Variants in ZNF688 observed in about 807,000 individuals in gnomAD.
ZNF688 encodes zinc finger protein 688.
Under a neutral mutation model 13.2 loss-of-function variants are expected in ZNF688, and 10 were observed. The observed-to-expected ratio is 0.76, with a 90% confidence interval of 0.47 to 1.28. The LOEUF (loss-of-function observed/expected upper bound fraction) is 1.28. Ranked by LOEUF, ZNF688 falls within the 50% of genes most tolerant of loss-of-function variation. The probability of loss-of-function intolerance (pLI) is 0.00; values close to 1 mark genes in which losing one functional copy is unlikely to be tolerated. For synonymous variants in ZNF688, 160 were observed against 159.4 expected (o/e 1.00, Z -0.03); for missense variants, 381 against 391.4 (o/e 0.97, Z 0.22).
upstream of ZNF688, among the ~76,000 whole-genome samples, chr16:30,573,234 C>T (rs1024907220): frequency 6.6e-6 from 1 of 152,138 alleles, no homozygotes; most frequent in Non-Finnish European, 1.5e-5. Context: ...TTACGTTGTT[C>T]CAAATTATCA....
At chr16:30,572,955 G>A (rs2051709753), upstream of ZNF688, among the ~76,000 whole-genome samples, 4 of 152,036 alleles carry the variant, frequency 2.6e-5, no homozygotes. Context: ...TGCCCAGGCT[G>A]GAGTGCAATG....
Position 30,569,964 on chromosome 16 carries a change from C to T in ZNF688, c.783G>A (p.Pro261=). 1 of 1,591,826 alleles carries T rather than the reference C, an allele frequency of 6.3e-7. No individual in the cohort carries two copies. ...CTGGGTAGTGCCGGAAGAGCACAGGCGGGTCCCGGTCACCTCGGACGGGGG... is the reference window on the plus strand; with the variant it reads ...CTGGGTAGTGCCGGAAGAGCACAGGTGGGTCCCGGTCACCTCGGACGGGGG... ...PRAPVRGDRD[P]PVLFRHYPDI... is the part of the protein sequence containing the mutation. The change falls in exon 3 of 3, where the codon CCG becomes CCA. Residue 261 remains proline, a synonymous_variant. Transcript: ENST00000223459.
At position 30,571,702 on chromosome 16, in the gene ZNF688, T is replaced by C. The variant is rs2051689091; in HGVS notation, c.-73A>G. The C allele has an allele frequency of 7.4e-7, 1 of 1,355,372 alleles. No individual in the cohort carries two copies. The highest frequency in any genetic ancestry group is 1.5e-5 in the African/African-American group (1 of 64,842). The allele number at this position is 1,355,372 out of a possible 1,614,324, so 84.0% of individuals were successfully genotyped here. A position where few individuals can be genotyped will look rare whatever the true frequency, so the allele number is the denominator to read the frequency against. On this transcript the variant is annotated 5_prime_UTR_variant, in exon 1 of 3. Transcript: ENST00000223459. ...GCCTCCCCGCTCCCGGCCTCAGCTGTCGTTGTCCACAGGAAGGGCGGCCCC... is the reference window on the plus strand; with the variant it reads ...GCCTCCCCGCTCCCGGCCTCAGCTGCCGTTGTCCACAGGAAGGGCGGCCCC...
intron 2 of ZNF688, 157 bp downstream of exon 2, chr16:30,570,853 T>G: frequency 1.2e-6 from 1 of 836,894 alleles, no homozygotes; most frequent in Non-Finnish European, 2.0e-6. Context: ...CTGTCCCATG[T>G]TCTGAAAACT....
In ZNF688 at chr16:30,569,866, C is replaced by A. The variant is rs893379756; in HGVS notation, c.*50G>T. On this transcript the variant is annotated 3_prime_UTR_variant, in exon 3 of 3. Coordinates refer to ENST00000223459, the MANE Select transcript of ZNF688 (RefSeq NM_145271.4). Reference sequence around the variant, plus strand: ...GACTCAGTGGCCCACCTCAGGGATCCGTCAGTCCTTCGTGCCAAGGTCAGG... The same window carrying A: ...GACTCAGTGGCCCACCTCAGGGATCAGTCAGTCCTTCGTGCCAAGGTCAGG... The A allele has an allele frequency of 5.3e-6, 8 of 1,500,414 alleles. No individual in the cohort carries two copies. The highest frequency in any genetic ancestry group is 7.1e-6 in the Non-Finnish European group (8 of 1,126,216). 92.9% of individuals were successfully genotyped at this position (1,500,414 alleles called of 1,614,324 possible). A position where few individuals can be genotyped will look rare whatever the true frequency, so the allele number is the denominator to read the frequency against.
chr16:30,576,183 G>A (rs2151233667), upstream of ZNF688, among the ~76,000 whole-genome samples: 1 of 152,006 alleles, frequency 6.6e-6, no homozygotes, highest in Non-Finnish European at 1.5e-5. Context: ...GAGTAGCTGG[G>A]ATTACATACG....
At chr16:30,573,509 T>C (rs1300996266), upstream of ZNF688, among the ~76,000 whole-genome samples, 4 of 152,196 alleles carry the variant, frequency 2.6e-5, no homozygotes, top group Admixed American at 2.0e-4. Context: ...CCTGCAATCA[T>C]ACAGGATGCA....
chr16:30,572,062 G>A (rs911341429), upstream of ZNF688: 15 of 1,446,194 alleles, frequency 1.0e-5, no homozygotes, highest in Non-Finnish European at 1.4e-5. Flanking sequence ...GGGTGTCTGG[G>A]AAGTAGAGGA....
At chr16:30,572,272 G>C (rs2051699782), upstream of ZNF688, 1 of 1,526,516 alleles carries the variant, frequency 6.6e-7, no homozygotes, top group African/African-American at 1.4e-5. Flanking sequence ...GGAGACCTCG[G>C]CATCTGCGGT....
upstream of ZNF688, chr16:30,572,270 C>A: frequency 1.3e-6 from 2 of 1,526,700 alleles, no homozygotes; most frequent in Non-Finnish European, 1.8e-6. Context: ...GCGGAGACCT[C>A]GGCATCTGCG....
Position 30,571,476 on chromosome 16 carries a change from G to T in ZNF688, c.154C>A (p.Arg52=). The change falls in exon 1 of 3, where the codon CGG becomes AGG. Residue 52 remains arginine, a synonymous_variant. Transcript: ENST00000223459. ...CCGTAGGTCTCCTGCATCACGTCCC[G>T]GTACAGAGCCCTCTGCGCGGGCCGC... is the stretch of plus-strand genomic sequence containing the variant. ...CLRPAQRALY[R]DVMQETYGHL... is the part of the protein sequence containing the mutation. The T allele has an allele frequency of 6.3e-7, 1 of 1,589,234 alleles. No homozygotes were observed. Among genetic ancestry groups the T allele is most frequent in the Non-Finnish European group, 8.6e-7 (1 of 1,168,950 alleles).
At chr16:30,572,235 G>T, upstream of ZNF688, 1 of 1,598,138 alleles carries the variant, frequency 6.3e-7, no homozygotes, top group South Asian at 1.1e-5. Flanking sequence ...CGGTCCTGAA[G>T]CCTCTGTTGA....
upstream of ZNF688, chr16:30,572,456 T>TG: frequency 1.8e-6 from 1 of 566,306 alleles, no homozygotes; most frequent in Non-Finnish European, 2.7e-6. Flanking sequence ...ACCCAGCCCC[T>TG]GGCATCCGCA....
chr16:30,570,591 A>G, intron 2 of ZNF688, 155 bp from the exon 3 acceptor site: 1 of 949,862 alleles, frequency 1.1e-6, no homozygotes, highest in East Asian at 2.6e-5. Flanking sequence ...ATCTCCTAAA[A>G]GTGCCTTATC....
intron 2 of ZNF688, 47 bp downstream of exon 2, chr16:30,570,963 A>C (rs2051668155): frequency 6.3e-7 from 1 of 1,596,112 alleles, no homozygotes; most frequent in Admixed American, 1.7e-5. Flanking sequence ...TCTGCTAGAC[A>C]GGAAGCCCTG....
At chr16:30,574,587 C>T (rs1486869904), upstream of ZNF688, among the ~76,000 whole-genome samples, 1 of 151,278 alleles carries the variant, frequency 6.6e-6, no homozygotes, top group Non-Finnish European at 1.5e-5. Context: ...TATTGATACA[C>T]AAAATTTTTA....
upstream of ZNF688, among the ~76,000 whole-genome samples, chr16:30,576,109 G>A (rs139799186): frequency 6.5e-4 from 98 of 151,738 alleles, no homozygotes; most frequent in East Asian, 5.5e-3. Context: ...GTGCAGTGGC[G>A]CAACCTCAGC....
Position 30,571,561 on chromosome 16 carries a change from G to C in ZNF688, c.69C>G (p.Pro23=), listed in dbSNP as rs1486031306. 2 of 1,573,580 alleles carry C rather than the reference G, an allele frequency of 1.3e-6. No homozygotes were observed. Among genetic ancestry groups the C allele is most frequent in the East Asian group, 2.4e-5 (1 of 42,330 alleles). The change falls in exon 1 of 3, where the codon CCC becomes CCG. Residue 23 remains proline (P), a synonymous_variant. Transcript: ENST00000223459. ...CCACGTCCGCGAAGCTCACAGTCCC[G>C]GGCTTCCTGCAACCAGGCCGGGTCT... ...PGETRPGCRK[P]GTVSFADVAV...
chr16:30,574,003 T>C (rs2051722972), upstream of ZNF688: 1 of 209,296 alleles, frequency 4.8e-6, no homozygotes, highest in African/African-American at 2.4e-5. Context: ...TCTCAGCACT[T>C]TGGGAGGCTG....
Sources: gnomAD v4.1 joint callset for allele counts (sites outside exome capture counted in the v4.1 genomes callset) on GRCh38, gnomAD v4.1.1 for gene constraint, MANE v1.5 for transcripts, NCBI Gene and HGNC (gene_info 2026-07-23, HGNC 2026-07-21) for gene names.